BICD1: variants seen among roughly 807,000 people sequenced by gnomAD.
BICD1 encodes the protein protein bicaudal D homolog 1.
Under a neutral mutation model 92.5 loss-of-function variants are expected in BICD1, and 35 were observed. The ratio of observed to expected loss-of-function variants is 0.38; its 90% CI spans 0.29 to 0.50. The LOEUF (loss-of-function observed/expected upper bound fraction) is 0.50, where lower values mean the gene tolerates loss of function less well. BICD1 is among the 20% of genes least tolerant of loss of function. The pLI, the probability that BICD1 is intolerant of heterozygous loss-of-function variation, is 0.93. For missense variants in BICD1, 950 were observed against 1,189.8 expected (o/e 0.80, Z 2.97); for synonymous variants, 429 against 465.1 (o/e 0.92, Z 1.00).
At position 32,296,106 on chromosome 12, in the gene BICD1, T is replaced by G. The variant is rs559087108; in HGVS notation, c.579+1960T>G. Reference sequence around the variant, plus strand: ...CTTCCGTAAGCACTGAATCCCCATATGTGTGCTGAGGGCTGGCCATTCCAG... The same window carrying G: ...CTTCCGTAAGCACTGAATCCCCATAGGTGTGCTGAGGGCTGGCCATTCCAG... On this transcript the variant is annotated intron_variant, in intron 3 of 9. Coordinates refer to ENST00000652176, the MANE Select transcript of BICD1 (RefSeq NM_001714.4). Among the ~76,000 whole-genome samples, 18 of 151,666 alleles carry G rather than the reference T, an allele frequency of 1.2e-4. No individual in the cohort carries two copies. In the East Asian group the frequency reaches 3.5e-3, roughly 30 times the overall value.
rs1231654898 is a variant in BICD1, at chr12:32,378,765, AC to A, written c.*1139del. The A allele has an allele frequency of 6.6e-6, 1 of 152,208 alleles. No homozygotes were observed. Among genetic ancestry groups the A allele is most frequent in the Non-Finnish European group, 1.5e-5 (1 of 68,032 alleles). The allele number at this position is 152,208 out of a possible 1,614,324, so 9.4% of individuals were successfully genotyped here. ...ATAACGAATCTTCCTTGCCAAAAAA[AC>A]AATAGATAATAAACCTTAGCTCATT... On this transcript the variant is annotated 3_prime_UTR_variant, in exon 10 of 10. Transcript: ENST00000652176.
chr12:32,156,750 G>A (rs1028454500), intron 1 of BICD1, among the ~76,000 whole-genome samples: 6 of 152,194 alleles, frequency 3.9e-5, no homozygotes, highest in African/African-American at 1.4e-4. Flanking sequence ...GGAGATGTGT[G>A]TATTGCAGAA....
chr12:32,160,792 T>C (rs144864270), intron 1 of BICD1, among the ~76,000 whole-genome samples: 2 of 99,548 alleles, frequency 2.0e-5, no homozygotes, highest in African/African-American at 8.1e-5. Context: ...TCAGGTATCA[T>C]ACACACATAC....
intron 1 of BICD1, among the ~76,000 whole-genome samples, chr12:32,137,256 T>C (rs1325848862): frequency 6.6e-6 from 1 of 151,884 alleles, no homozygotes; most frequent in African/African-American, 2.4e-5. Flanking sequence ...ACCTGGTTGA[T>C]TTTTGTATTT....
At chr12:32,181,285 T>TG (rs1221364574) in intron 1 of BICD1, among the ~76,000 whole-genome samples, 1 of 151,620 alleles carries the variant, frequency 6.6e-6, no homozygotes, top group Non-Finnish European at 1.5e-5. Flanking sequence ...CTGGGAGTGG[T>TG]GGCATGCGCC....
At chr12:32,119,596 G>A (rs1384561647) in intron 1 of BICD1, among the ~76,000 whole-genome samples, 11 of 152,200 alleles carry the variant, frequency 7.2e-5, no homozygotes, top group Non-Finnish European at 7.4e-5. Flanking sequence ...CTAGTTCCGG[G>A]TGCAGTGGCT....
intron 4 of BICD1, among the ~76,000 whole-genome samples, chr12:32,317,428 G>A (rs1201553472): frequency 2.6e-5 from 4 of 152,116 alleles, no homozygotes; most frequent in Admixed American, 2.6e-4. Context: ...ATCTCATTGC[G>A]GTTTTGATTT....
chr12:32,286,075 C>T (rs1451424914), intron 2 of BICD1, among the ~76,000 whole-genome samples: 1 of 152,176 alleles, frequency 6.6e-6, no homozygotes, highest in Non-Finnish European at 1.5e-5. Context: ...CAAGCTCTTC[C>T]TTGTCCTTAA....
At chr12:32,151,801 C>T (rs1230361155) in intron 1 of BICD1, among the ~76,000 whole-genome samples, 3 of 152,154 alleles carry the variant, frequency 2.0e-5, no homozygotes, top group Non-Finnish European at 4.4e-5. Flanking sequence ...GGCATCCCTA[C>T]CTCTGCCTGC....
At chr12:32,246,747 G>C (rs1280625542) in intron 2 of BICD1, among the ~76,000 whole-genome samples, 1 of 152,110 alleles carries the variant, frequency 6.6e-6, no homozygotes, top group Non-Finnish European at 1.5e-5. Flanking sequence ...ATTGAACACT[G>C]TCTTTTTGCC....
intron 2 of BICD1, among the ~76,000 whole-genome samples, chr12:32,259,506 G>A (rs1021021028): frequency 6.6e-5 from 10 of 152,338 alleles, no homozygotes; most frequent in African/African-American, 2.2e-4. Context: ...TGTTCTTGCT[G>A]CATGTCTATT....
At chr12:32,330,085 G>A (rs1937774607) in intron 5 of BICD1, among the ~76,000 whole-genome samples, 1 of 152,006 alleles carries the variant, frequency 6.6e-6, no homozygotes, top group African/African-American at 2.4e-5. Context: ...CCATCATCTG[G>A]GGAAAACCAC....
At chr12:32,114,001 A>C (rs1941797733) in intron 1 of BICD1, among the ~76,000 whole-genome samples, 1 of 151,310 alleles carries the variant, frequency 6.6e-6, no homozygotes, top group Non-Finnish European at 1.5e-5. Flanking sequence ...CCACCTGTAG[A>C]TGGGATTATA....
intron 1 of BICD1, among the ~76,000 whole-genome samples, chr12:32,189,789 C>T (rs1240085503): frequency 6.6e-6 from 1 of 151,356 alleles, no homozygotes; most frequent in African/African-American, 2.4e-5. Context: ...ACCTCTGCCT[C>T]CCGGGTTCAA....
intron 4 of BICD1, among the ~76,000 whole-genome samples, chr12:32,318,882 TA>T (rs1229993312): frequency 2.5e-4 from 38 of 152,292 alleles, no homozygotes; most frequent in African/African-American, 8.9e-4. Context: ...TGAAGTATAT[TA>T]TTTTTTGATA....
chr12:32,225,507 A>C (rs916210043), intron 2 of BICD1, among the ~76,000 whole-genome samples: 1 of 151,664 alleles, frequency 6.6e-6, no homozygotes, highest in African/African-American at 2.4e-5. Context: ...TGGTAAGTGT[A>C]TGGTTAAGTT....
chr12:32,279,409 G>A (rs1411086798), intron 2 of BICD1, among the ~76,000 whole-genome samples: 1 of 152,136 alleles, frequency 6.6e-6, no homozygotes, highest in Non-Finnish European at 1.5e-5. Context: ...GATACCAAAA[G>A]AAAGATCTTC....
intron 2 of BICD1, among the ~76,000 whole-genome samples, chr12:32,252,797 C>G (rs1946602393): frequency 6.6e-6 from 1 of 152,160 alleles, no homozygotes; most frequent in African/African-American, 2.4e-5. Context: ...CATGATATGT[C>G]TCCTATAGGA....
intron 9 of BICD1, among the ~76,000 whole-genome samples, chr12:32,368,564 A>G (rs7956237): frequency 0.14 from 20,869 of 151,950 alleles, 1,984 homozygotes; most frequent in East Asian, 0.31. Flanking sequence ...GTGTGGTGGC[A>G]CATGCCTCTA....
Sources: allele counts gnomAD v4.1 joint callset (sites outside exome capture counted in the v4.1 genomes callset), GRCh38; gene constraint gnomAD v4.1.1; transcripts MANE v1.5; gene names NCBI Gene and HGNC (gene_info 2026-07-23, HGNC 2026-07-21).